ZCCHC17: variants seen among roughly 807,000 people sequenced by gnomAD.
ZCCHC17 encodes zinc finger CCHC domain-containing protein 17.
ZCCHC17 carries 18 observed loss-of-function variants against 30.6 expected under a neutral mutation model. The ratio of observed to expected loss-of-function variants is 0.59; its 90% CI spans 0.41 to 0.87. ZCCHC17 has a LOEUF of 0.87. Among genes scored for constraint, ZCCHC17 ranks in the 40% least tolerant of loss-of-function variants. The probability of loss-of-function intolerance (pLI) is 0.00; values close to 1 mark genes in which losing one functional copy is unlikely to be tolerated. For missense variants in ZCCHC17, 263 were observed against 284.2 expected (o/e 0.93, Z 0.54); for synonymous variants, 88 against 92.4 (o/e 0.95, Z 0.27).
At chr1:31,347,598 A>C (rs1355824046) in intron 6 of ZCCHC17, among the ~76,000 whole-genome samples, 1 of 152,206 alleles carries the variant, frequency 6.6e-6, no homozygotes, top group Non-Finnish European at 1.5e-5. Context: ...TGTTGGACCC[A>C]GAGGTACAGA....
intron 4 of ZCCHC17, among the ~76,000 whole-genome samples, 154 bp from the exon 5 acceptor site, chr1:31,338,803 T>C (rs906614146): frequency 2.0e-5 from 3 of 152,232 alleles, no homozygotes; most frequent in African/African-American, 7.2e-5. Flanking sequence ...AGGGTCTACC[T>C]GTTATGCTTA....
At chr1:31,358,763 A>T (rs997729508) in intron 7 of ZCCHC17, among the ~76,000 whole-genome samples, 1 of 152,164 alleles carries the variant, frequency 6.6e-6, no homozygotes, top group Admixed American at 6.5e-5. Context: ...CAAGTAGACC[A>T]TAGAGTAGAC....
At chr1:31,320,926 T>C (rs1646845243) in intron 3 of ZCCHC17, among the ~76,000 whole-genome samples, 1 of 152,312 alleles carries the variant, frequency 6.6e-6, no homozygotes. Context: ...TCTATTTTCT[T>C]TACATCTTTG....
chr1:31,344,239 C>T (rs746513150), intron 5 of ZCCHC17, among the ~76,000 whole-genome samples: 2 of 152,116 alleles, frequency 1.3e-5, no homozygotes, highest in Non-Finnish European at 2.9e-5. Flanking sequence ...GATACTCCCA[C>T]CTTGGCCTTC....
rs1178256198 is a variant in ZCCHC17 at position 31,310,155 on chromosome 1, C to T, written c.57C>T (p.Phe19=). 1.2e-6 allele frequency: 2 copies of T among 1,614,024 alleles called. No homozygotes were observed. The highest frequency in any genetic ancestry group is 1.6e-4 in the Middle Eastern group (1 of 6,062). The change falls in exon 2 of 8, where the codon TTC becomes TTT. Residue 19 remains phenylalanine (F), a synonymous_variant. Coordinates refer to ENST00000344147, the MANE Select transcript of ZCCHC17 (RefSeq NM_016505.4). ...ACTTGCCTGCTCTCTACACTATTTT[C>T]CAAGGAGAGGTATATTCTTTTGTGC... The part of the protein sequence containing the change: ...MENLPALYTI[F]QGEVAMVTDY...
chr1:31,332,501 A>G (rs1264657030), intron 3 of ZCCHC17, among the ~76,000 whole-genome samples: 2 of 151,916 alleles, frequency 1.3e-5, no homozygotes, highest in African/African-American at 4.8e-5. Context: ...TAGTGTATAT[A>G]TTATTTAATT....
chr1:31,304,262 G>A (rs563968956), intron 1 of ZCCHC17, among the ~76,000 whole-genome samples: 50 of 146,958 alleles, frequency 3.4e-4, no homozygotes, highest in African/African-American at 1.1e-3. Context: ...CTATCTTAAT[G>A]TTATATACTC....
chr1:31,364,475 C>A lies in ZCCHC17; in HGVS notation c.*282C>A. The A allele has an allele frequency of 2.3e-6, 1 of 431,386 alleles. No individual in the cohort carries two copies. Among genetic ancestry groups the A allele is most frequent in the Non-Finnish European group, 4.2e-6 (1 of 239,882 alleles). 26.7% of individuals were successfully genotyped at this position (431,386 alleles called of 1,614,324 possible). A position where few individuals can be genotyped will look rare whatever the true frequency, so the allele number is the denominator to read the frequency against. ...AACTTCCTTCATTCAGCAGGAGGTCCTATTACCCTCTCCAGCTGCCACTGC... is the reference window on the plus strand; with the variant it reads ...AACTTCCTTCATTCAGCAGGAGGTCATATTACCCTCTCCAGCTGCCACTGC... On this transcript the variant is annotated 3_prime_UTR_variant, in exon 8 of 8. Coordinates refer to ENST00000344147, the MANE Select transcript of ZCCHC17 (RefSeq NM_016505.4).
At chr1:31,303,307 C>T (rs1646365153) in intron 1 of ZCCHC17, among the ~76,000 whole-genome samples, 1 of 152,092 alleles carries the variant, frequency 6.6e-6, no homozygotes, top group Non-Finnish European at 1.5e-5. Context: ...GCAAACAGTG[C>T]AGGCTCTGGA....
At chr1:31,360,389 G>A (rs536053413) in intron 7 of ZCCHC17, among the ~76,000 whole-genome samples, 2 of 152,272 alleles carry the variant, frequency 1.3e-5, no homozygotes, top group East Asian at 3.9e-4. Context: ...GGCTAGTCTC[G>A]ACCTCCTGAC....
At position 31,357,908 on chromosome 1, in the gene ZCCHC17, A is replaced by G. The variant is rs535837744; in HGVS notation, c.565-6124A>G. Reference sequence around the variant, plus strand: ...GTAGCTGGGATTACAGGCATGCACCACCACGCCCAGCTGATTTTCTATTTT... The same window carrying G: ...GTAGCTGGGATTACAGGCATGCACCGCCACGCCCAGCTGATTTTCTATTTT... On this transcript the variant is annotated intron_variant, in intron 7 of 7. Transcript: ENST00000344147. Among the ~76,000 whole-genome samples the G allele has an allele frequency of 2.0e-4, 30 of 152,244 alleles. No homozygotes were observed. In the East Asian group the frequency reaches 5.6e-3, roughly 28 times the overall value.
intron 5 of ZCCHC17, among the ~76,000 whole-genome samples, chr1:31,340,518 T>C (rs1225564123): frequency 6.6e-6 from 1 of 152,152 alleles, no homozygotes; most frequent in Non-Finnish European, 1.5e-5. Flanking sequence ...GGTTTCTCTA[T>C]GTTGGTCGGG....
intron 3 of ZCCHC17, among the ~76,000 whole-genome samples, chr1:31,329,809 A>G (rs1276729382): frequency 2.0e-5 from 3 of 152,184 alleles, no homozygotes; most frequent in Non-Finnish European, 4.4e-5. Flanking sequence ...CTAGTCTTTG[A>G]GCCTTAATTT....
intron 5 of ZCCHC17, among the ~76,000 whole-genome samples, chr1:31,342,098 TGTA>T (rs1359296457): frequency 6.6e-6 from 1 of 152,050 alleles, no homozygotes; most frequent in South Asian, 2.1e-4. Flanking sequence ...CAGGCTGGAG[TGTA>T]GTGGTACAAT....
intron 2 of ZCCHC17, among the ~76,000 whole-genome samples, chr1:31,315,341 T>C (rs1646707281): frequency 6.6e-6 from 1 of 152,228 alleles, no homozygotes; most frequent in Non-Finnish European, 1.5e-5. Context: ...GTCCCAGCTC[T>C]TCTCTTGCTG....
intron 3 of ZCCHC17, among the ~76,000 whole-genome samples, chr1:31,327,012 C>T (rs1416930240): frequency 6.6e-6 from 1 of 152,172 alleles, no homozygotes; most frequent in Non-Finnish European, 1.5e-5. Flanking sequence ...TCTCAGAATA[C>T]TTCAGCCAAC....
chr1:31,336,608 A>G (rs540284622), intron 3 of ZCCHC17, among the ~76,000 whole-genome samples: 121 of 152,198 alleles, frequency 8.0e-4, no homozygotes, highest in Admixed American at 2.4e-3. Flanking sequence ...GTATTCTCCC[A>G]TCTTGGCCTT....
At chr1:31,355,123 C>T (rs1051740597) in intron 7 of ZCCHC17, among the ~76,000 whole-genome samples, 2 of 150,826 alleles carry the variant, frequency 1.3e-5, no homozygotes, top group Admixed American at 6.6e-5. Context: ...TGCAGTGAGC[C>T]GAGATTGCGC....
At chr1:31,359,852 AT>A (rs910516373) in intron 7 of ZCCHC17, among the ~76,000 whole-genome samples, 22 of 150,992 alleles carry the variant, frequency 1.5e-4, no homozygotes, top group Non-Finnish European at 2.4e-4. Flanking sequence ...AATCCATGTC[AT>A]TTTTTTTTAA....
Sources: allele counts gnomAD v4.1 joint callset (sites outside exome capture counted in the v4.1 genomes callset), GRCh38; gene constraint gnomAD v4.1.1; transcripts MANE v1.5; gene names NCBI Gene and HGNC (gene_info 2026-07-23, HGNC 2026-07-21).